The following VWC2 variants were observed in gnomAD, a reference collection of about 807,000 sequenced individuals.
VWC2 encodes the protein brorin.
VWC2 carries 14 observed loss-of-function variants against 29.8 expected under a neutral mutation model. The observed-to-expected ratio is 0.47, with a 90% CI of 0.31 to 0.74. The LOEUF is 0.74. VWC2 is among the 30% of genes least tolerant of loss of function. VWC2 has a pLI of 0.05. For missense variants in VWC2, 457 were observed against 459.8 expected (o/e 0.99, Z 0.05); for synonymous variants, 213 against 199.0 (o/e 1.07, Z -0.59).
At position 49,775,652 on chromosome 7, in the gene VWC2, G is replaced by A. The variant is rs1444859049; in HGVS notation, c.217G>A (p.Gly73Ser). Residue 73 changes from glycine to serine, a missense_variant, in exon 2 of 4, where the codon GGC becomes AGC. This residue lies in a region of VWC2 where 272 missense variants were observed against 202.7 expected (regional missense o/e 1.34). Coordinates refer to ENST00000340652, the MANE Select transcript of VWC2 (RefSeq NM_198570.5). Reference sequence around the variant, plus strand: ...CCCGGCGAGGGACGAGGGCGGCAGCGGCCGGGACTGGAAGAGCAAGAGCGG... The same window carrying A: ...CCCGGCGAGGGACGAGGGCGGCAGCAGCCGGGACTGGAAGAGCAAGAGCGG... Reference protein sequence around the residue: ...GRPARDEGGSGRDWKSKSGRG... With the variant: ...GRPARDEGGSSRDWKSKSGRG... The A allele has an allele frequency of 2.0e-6, 3 of 1,527,466 alleles. No homozygotes were observed. Among genetic ancestry groups the A allele is most frequent in the African/African-American group, 1.4e-5 (1 of 70,412 alleles). The allele number at this position is 1,527,466 out of a possible 1,614,324, so 94.6% of individuals were successfully genotyped here. A position where few individuals can be genotyped will look rare whatever the true frequency, so the allele number is the denominator to read the frequency against.
chr7:49,845,266 A>G (rs1415301420), intron 3 of VWC2, among the ~76,000 whole-genome samples: 1 of 151,720 alleles, frequency 6.6e-6, no homozygotes, highest in African/African-American at 2.4e-5. Context: ...TACACTGCAC[A>G]TGTACCCTGG....
chr7:49,816,273 A>G (rs1789140518), intron 3 of VWC2, among the ~76,000 whole-genome samples: 4 of 152,212 alleles, frequency 2.6e-5, no homozygotes, highest in Admixed American at 2.6e-4. Flanking sequence ...TAGGATGGAA[A>G]TGGTGCAAAT....
chr7:49,867,840 A>ATTT (rs140005386), intron 3 of VWC2, among the ~76,000 whole-genome samples: 1 of 141,052 alleles, frequency 7.1e-6, no homozygotes, highest in Non-Finnish European at 1.6e-5. Context: ...TTATTATTTT[A>ATTT]TTTTATTTTT....
At chr7:49,787,432 A>G (rs1466293587) in intron 2 of VWC2, among the ~76,000 whole-genome samples, 1 of 152,214 alleles carries the variant, frequency 6.6e-6, no homozygotes, top group African/African-American at 2.4e-5. Flanking sequence ...GTAAGTCACT[A>G]TTCTTATTAA....
chr7:49,871,537 G>A (rs532589255), intron 3 of VWC2, among the ~76,000 whole-genome samples: 1 of 152,146 alleles, frequency 6.6e-6, no homozygotes, highest in African/African-American at 2.4e-5. Flanking sequence ...GTGTCTTTAA[G>A]CAGAAAAACG....
chr7:49,881,209 G>T (rs934417071), intron 3 of VWC2, among the ~76,000 whole-genome samples: 11 of 152,110 alleles, frequency 7.2e-5, no homozygotes, highest in African/African-American at 2.2e-4. Flanking sequence ...GAGCCGAGAG[G>T]AGGAGAGTCC....
At chr7:49,821,193 A>C (rs1789254538) in intron 3 of VWC2, among the ~76,000 whole-genome samples, 1 of 152,126 alleles carries the variant, frequency 6.6e-6, no homozygotes, top group Non-Finnish European at 1.5e-5. Context: ...TTGCTTTTGC[A>C]AGGATATTGA....
rs1023707139 is a variant in VWC2, at chr7:49,916,718, C to G, written c.*4533C>G. On this transcript the variant is annotated 3_prime_UTR_variant, in exon 4 of 4. Transcript: ENST00000340652. ...GTTATTTGCTATTCTTGTTTAAGGACAATGTATGTATTAAAGAGCAACTAA... is the reference window on the plus strand; with the variant it reads ...GTTATTTGCTATTCTTGTTTAAGGAGAATGTATGTATTAAAGAGCAACTAA... 2.6e-5 allele frequency: 4 copies of G among 152,282 alleles called. No homozygotes were observed. The East Asian group carries it at 5.8e-4, about 22-fold the overall frequency. 9.4% of individuals were successfully genotyped at this position (152,282 alleles called of 1,614,324 possible).
intron 3 of VWC2, among the ~76,000 whole-genome samples, chr7:49,803,993 A>G (rs1431833554): frequency 6.6e-6 from 1 of 152,216 alleles, no homozygotes; most frequent in Non-Finnish European, 1.5e-5. Flanking sequence ...TAATCATTGT[A>G]GCATAGTACA....
intron 3 of VWC2, among the ~76,000 whole-genome samples, chr7:49,879,505 G>A (rs1349982632): frequency 6.6e-6 from 1 of 152,148 alleles, no homozygotes; most frequent in Non-Finnish European, 1.5e-5. Context: ...ATAGAATGCA[G>A]AATCACCAAA....
chr7:49,882,628 G>C (rs1791717875), intron 3 of VWC2, among the ~76,000 whole-genome samples: 1 of 152,052 alleles, frequency 6.6e-6, no homozygotes, highest in Non-Finnish European at 1.5e-5. Flanking sequence ...GGCAGGGAGA[G>C]AGACAGGGAG....
chr7:49,778,424 G>A (rs1437280599), intron 2 of VWC2, among the ~76,000 whole-genome samples: 4 of 152,132 alleles, frequency 2.6e-5, no homozygotes, highest in East Asian at 1.9e-4. Context: ...ATGCTTGAAC[G>A]TTGCAAAGTT....
intron 3 of VWC2, among the ~76,000 whole-genome samples, chr7:49,908,990 T>G (rs1028289120): frequency 4.6e-5 from 7 of 152,214 alleles, no homozygotes; most frequent in African/African-American, 1.7e-4. Flanking sequence ...ATAGAAAGAT[T>G]AATTCAGGTA....
At chr7:49,880,123 T>C (rs1213758269) in intron 3 of VWC2, among the ~76,000 whole-genome samples, 1 of 152,220 alleles carries the variant, frequency 6.6e-6, no homozygotes. Context: ...GTGTTTTTGT[T>C]TCATTTAAAA....
chr7:49,877,211 C>T (rs1284684466), intron 3 of VWC2, among the ~76,000 whole-genome samples: 1 of 151,664 alleles, frequency 6.6e-6, no homozygotes, highest in African/African-American at 2.4e-5. Flanking sequence ...CCTGTAATCC[C>T]AGCACTTTGG....
chr7:49,860,376 T>C (rs1790600717), intron 3 of VWC2, among the ~76,000 whole-genome samples: 1 of 152,250 alleles, frequency 6.6e-6, no homozygotes, highest in Non-Finnish European at 1.5e-5. Context: ...GTCTGGCTTA[T>C]TTCACTTACC....
In VWC2 at chr7:49,912,332, G is replaced by A; in HGVS notation, c.*147G>A. 1 of 757,062 alleles carries A rather than the reference G, an allele frequency of 1.3e-6. No homozygotes were observed. Among genetic ancestry groups the A allele is most frequent in the Non-Finnish European group, 2.0e-6 (1 of 496,154 alleles). 46.9% of individuals were successfully genotyped at this position (757,062 alleles called of 1,614,324 possible). On this transcript the variant is annotated 3_prime_UTR_variant, in exon 4 of 4. Coordinates refer to ENST00000340652, the MANE Select transcript of VWC2 (RefSeq NM_198570.5). ...GGTACTTTTCCTTTTCTTGATAACA[G>A]TTACTACAACAGAAGGAAATGGATA... is the stretch of plus-strand genomic sequence containing the variant.
At position 49,816,888 on chromosome 7, in the gene VWC2, C is replaced by G. The variant is rs545736749; in HGVS notation, c.826+14048C>G. Among the ~76,000 whole-genome samples, 13 of 152,330 alleles carry G rather than the reference C, an allele frequency of 8.5e-5. No homozygotes were observed. In the East Asian group the frequency reaches 2.5e-3, roughly 29 times the overall value. ...TACAAAATTGGGACAATCTTCCATT[C>G]ATTCCCTGTGGGCTTAATATGAGGA... On this transcript the variant is annotated intron_variant, in intron 3 of 3. Coordinates refer to ENST00000340652, the MANE Select transcript of VWC2 (RefSeq NM_198570.5).
chr7:49,847,517 G>A (rs957463041), intron 3 of VWC2, among the ~76,000 whole-genome samples: 3 of 152,022 alleles, frequency 2.0e-5, no homozygotes, highest in Non-Finnish European at 4.4e-5. Context: ...TTTTATTATT[G>A]GGTATGGTAA....
Sources: gnomAD v4.1 joint callset for allele counts (sites outside exome capture counted in the v4.1 genomes callset) on GRCh38, gnomAD v4.1.1 for gene constraint, gnomAD v4.1.1 regional missense constraint, MANE v1.5 for transcripts, NCBI Gene and HGNC (gene_info 2026-07-23, HGNC 2026-07-21) for gene names.